BCORL1: variants seen among roughly 807,000 people sequenced by gnomAD.
The protein encoded by BCORL1 is BCL-6 corepressor-like protein 1.
In BCORL1, 7 loss-of-function variants were observed where a neutral mutation model predicts 87.6. The observed-to-expected ratio is 0.08, with a 90% CI of 0.05 to 0.15. The LOEUF is 0.15. Among genes scored for constraint, BCORL1 ranks in the 10% least tolerant of loss-of-function variants. The probability of loss-of-function intolerance (pLI) is 1.00; values close to 1 mark genes in which losing one functional copy is unlikely to be tolerated. For synonymous variants in BCORL1, 591 were observed against 634.4 expected, an observed-to-expected ratio of 0.93 and a Z score of 1.03; for missense variants, 1,215 against 1,499.7, an observed-to-expected ratio of 0.81 and a Z score of 3.13.
At chrX:129,984,410 C>T (rs969243674) in intron 1 of BCORL1, among the ~76,000 whole-genome samples, 17 of 109,588 alleles carry the variant, frequency 1.6e-4, no homozygotes, top group African/African-American at 5.6e-4. Flanking sequence ...GCCCCGGGGG[C>T]CGGGTGCATG....
In BCORL1 at chrX:130,015,633, A is replaced by T; in HGVS notation, c.2861A>T (p.Glu954Val). The T allele has an allele frequency of 8.3e-7, 1 of 1,212,048 alleles. No homozygotes were observed. Among genetic ancestry groups the T allele is most frequent in the Admixed American group, 2.2e-5 (1 of 46,105 alleles). Residue 954 changes from glutamate to valine, a missense_variant, in exon 4 of 14, where the codon GAG (glutamate) becomes GTG (valine). This residue lies in a region of BCORL1 where 861 missense variants were observed against 1,010.0 expected (regional missense o/e 0.85). Coordinates refer to ENST00000540052, the MANE Select transcript of BCORL1 (RefSeq NM_001379451.1). ...IRMNQGPEES[E>V]SHLCSDSTPK... Reference sequence around the variant, plus strand: ...ATGAATCAGGGGCCTGAGGAATCAGAGAGCCACCTCTGCTCTGACAGCACT... The same window carrying T: ...ATGAATCAGGGGCCTGAGGAATCAGTGAGCCACCTCTGCTCTGACAGCACT...
intron 1 of BCORL1, among the ~76,000 whole-genome samples, chrX:129,987,719 A>C (rs1027416072): frequency 8.9e-5 from 10 of 111,902 alleles, no homozygotes; most frequent in African/African-American, 2.9e-4. Flanking sequence ...GGTTAGGGGC[A>C]TGGAAGAGAG....
At chrX:129,981,093 C>T (rs1926067649), upstream of BCORL1, 1 of 111,674 alleles carries the variant, frequency 9.0e-6, no homozygotes, top group Non-Finnish European at 1.9e-5. Context: ...GCCTCACGCG[C>T]ACAAATGGGG....
intron 1 of BCORL1, among the ~76,000 whole-genome samples, chrX:130,003,088 A>G (rs1014803064): frequency 1.8e-5 from 2 of 111,375 alleles, no homozygotes; most frequent in African/African-American, 6.5e-5. Flanking sequence ...CTCTTCTCCT[A>G]CCACCTCCAC....
Position 130,056,129 on chromosome X carries a change from A to G in BCORL1, c.5351A>G (p.Asn1784Ser), listed in dbSNP as rs1253496937. 3.4e-6 allele frequency: 4 copies of G among 1,165,673 alleles called. No homozygotes were observed. In the African/African-American group the frequency reaches 7.2e-5, roughly 21 times the overall value. ...TCCGAGGTGGAATTCCAGTCTTGCA[A>G]CAGTTGACCGGGAAAACAGCCCCTC... ...LGSEVEFQSC[N>S]S The change falls in exon 14 of 14, where the codon AAC becomes AGC. Residue 1784 changes from asparagine (N) to serine (S), a missense_variant. Coordinates refer to ENST00000540052, the MANE Select transcript of BCORL1 (RefSeq NM_001379451.1).
Position 130,012,504 on chromosome X carries a change from G to A in BCORL1, c.87-74G>A. On this transcript the variant is annotated intron_variant, in intron 2 of 13. Transcript: ENST00000540052. ...TTATGGGGACCCAGGCAGGCAGGAGGCATTCTGGGGAAGGTGGTGTTGGCT... is the reference window on the plus strand; with the variant it reads ...TTATGGGGACCCAGGCAGGCAGGAGACATTCTGGGGAAGGTGGTGTTGGCT... The A allele has an allele frequency of 5.7e-6, 5 of 882,589 alleles. No homozygotes were observed. In the Admixed American group the frequency reaches 9.6e-5, roughly 17 times the overall value. The allele number at this position is 882,589 out of a possible 1,213,427, so 72.7% of individuals were successfully genotyped here.
chrX:129,996,372 C>T (rs1927566817), intron 1 of BCORL1, among the ~76,000 whole-genome samples: 1 of 111,240 alleles, frequency 9.0e-6, no homozygotes, highest in South Asian at 3.8e-4. Context: ...CAGTATGAAC[C>T]AAAAGGAGCC....
At chrX:130,041,509 T>A (rs907276808) in intron 11 of BCORL1, among the ~76,000 whole-genome samples, 2 of 112,133 alleles carry the variant, frequency 1.8e-5, no homozygotes, top group African/African-American at 6.5e-5. Flanking sequence ...AATTTTTGAA[T>A]TTTTAGTAGA....
intron 7 of BCORL1, among the ~76,000 whole-genome samples, chrX:130,027,876 A>G (rs1413363125): frequency 4.5e-5 from 5 of 111,974 alleles, no homozygotes; most frequent in Non-Finnish European, 9.4e-5. Flanking sequence ...AGTCGCCCCT[A>G]CACACGGGGT....
At chrX:130,042,722 A>G (rs913298540) in intron 11 of BCORL1, among the ~76,000 whole-genome samples, 1 of 111,819 alleles carries the variant, frequency 8.9e-6, no homozygotes, top group Non-Finnish European at 1.9e-5. Flanking sequence ...CTGTAATCCC[A>G]GCACTTTGGG....
intron 2 of BCORL1, among the ~76,000 whole-genome samples, chrX:130,009,151 G>A (rs1476469060): frequency 9.0e-6 from 1 of 111,006 alleles, no homozygotes; most frequent in African/African-American, 3.3e-5. Context: ...GGTGAGAGCT[G>A]GTATTTCCCT....
intron 11 of BCORL1, among the ~76,000 whole-genome samples, chrX:130,042,510 G>C (rs1442384134): frequency 8.9e-6 from 1 of 112,118 alleles, no homozygotes; most frequent in Non-Finnish European, 1.9e-5. Context: ...GGCAGCCTGG[G>C]ACCTTGGCCT....
Position 130,056,193 on chromosome X carries a change from C to T in BCORL1, c.*57C>T. Reference sequence around the variant, plus strand: ...TTCCGAGTTCGCCCTTCCCCCACCTCCTTGTCTTTCCCCGACCGAGCACCA... The same window carrying T: ...TTCCGAGTTCGCCCTTCCCCCACCTTCTTGTCTTTCCCCGACCGAGCACCA... On this transcript the variant is annotated 3_prime_UTR_variant, in exon 14 of 14. Coordinates refer to ENST00000540052, the MANE Select transcript of BCORL1 (RefSeq NM_001379451.1). The T allele has an allele frequency of 1.6e-5, 17 of 1,069,818 alleles. No individual in the cohort carries two copies. The highest frequency in any genetic ancestry group is 2.1e-5 in the Non-Finnish European group (17 of 811,276). 88.2% of individuals were successfully genotyped at this position (1,069,818 alleles called of 1,213,427 possible).
intron 7 of BCORL1, among the ~76,000 whole-genome samples, chrX:130,026,795 G>A (rs1363870166): frequency 8.8e-6 from 1 of 113,143 alleles, no homozygotes; most frequent in African/African-American, 3.2e-5. Context: ...TCCAGTTGTT[G>A]GAAAGTAGGT....
At chrX:130,040,871 G>C (rs757367719) in intron 11 of BCORL1, among the ~76,000 whole-genome samples, 1 of 111,372 alleles carries the variant, frequency 9.0e-6, no homozygotes, top group African/African-American at 3.3e-5. Flanking sequence ...TATGACAAAG[G>C]CACCACACGC....
At chrX:129,983,105 T>C in intron 1 of BCORL1, among the ~76,000 whole-genome samples, 1 of 110,657 alleles carries the variant, frequency 9.0e-6, no homozygotes, top group Non-Finnish European at 1.9e-5. Flanking sequence ...GCCCCTCCCT[T>C]CGGGACAGCT....
In BCORL1 at chrX:130,015,935, G is replaced by A; in HGVS notation, c.3163G>A (p.Asp1055Asn). ...GGGGCGAGTGAAAATGGAGAAGGTG[G>A]ATGGTGATGTGGTCTTCAATTTAGC... ...DLGRVKMEKV[D>N]GDVVFNLATC... Residue 1055 changes from aspartate to asparagine, a missense_variant, in exon 4 of 14, where the codon GAT (aspartate) becomes AAT (asparagine). By Grantham distance (23) the Asp-to-Asn change is conservative. Transcript: ENST00000540052. The A allele has an allele frequency of 8.3e-7, 1 of 1,212,057 alleles. No individual in the cohort carries two copies. The highest frequency in any genetic ancestry group is 1.1e-6 in the Non-Finnish European group (1 of 895,627).
At position 130,028,872 on chromosome X, in the gene BCORL1, A is replaced by G. The variant is rs201250545; in HGVS notation, c.4305+11A>G. On this transcript the variant is annotated intron_variant, in intron 8 of 13. Coordinates refer to ENST00000540052, the MANE Select transcript of BCORL1 (RefSeq NM_001379451.1). ...TCAGAAGAGGCAAAGGTGTGTAGCT[A>G]TCAAGGGGTATTGTAGAAGGTGTGT... 14 of 966,861 alleles carry G rather than the reference A, an allele frequency of 1.4e-5. No individual in the cohort carries two copies. The East Asian group carries it at 6.6e-4, about 46-fold the overall frequency. The allele number at this position is 966,861 out of a possible 1,213,427, so 79.7% of individuals were successfully genotyped here.
chrX:130,039,257 C>T lies in BCORL1; in HGVS notation c.4815C>T (p.Ser1605=), dbSNP rs376129817. ...AGACAGCCATGAAGCTGGCCAGCAG[C>T]GACACCATGAAGCGCTTTCTCAGTG... ...SGQTAMKLAS[S]DTMKRFLSDH... Residue 1605 remains serine, a synonymous_variant, in exon 11 of 14, where the codon AGC becomes AGT. Transcript: ENST00000540052. The T allele has an allele frequency of 5.8e-6, 7 of 1,208,740 alleles. No individual in the cohort carries two copies. The highest frequency in any genetic ancestry group is 4.4e-5 in the Admixed American group (2 of 45,758).
Sources: allele counts gnomAD v4.1 joint callset (sites outside exome capture counted in the v4.1 genomes callset), GRCh38; gene constraint gnomAD v4.1.1; regional missense constraint gnomAD v4.1.1; transcripts MANE v1.5; gene names NCBI Gene and HGNC (gene_info 2026-07-23, HGNC 2026-07-21).